The following PIGL variants were observed in gnomAD, a reference collection of about 807,000 sequenced individuals.
The protein encoded by PIGL is phosphatidylinositol glycan anchor biosynthesis class L.
In PIGL, 22 loss-of-function variants were observed where a neutral mutation model predicts 31.1. The observed-to-expected ratio is 0.71, with a 90% CI of 0.51 to 1.01. The LOEUF is 1.01. Among genes scored for constraint, PIGL ranks in the 50% least tolerant of loss-of-function variants. The probability of loss-of-function intolerance (pLI) is 0.00; values close to 1 mark genes in which losing one functional copy is unlikely to be tolerated. For synonymous variants in PIGL, 131 were observed against 117.4 expected (o/e 1.12, Z -0.75); for missense variants, 302 against 315.9 (o/e 0.96, Z 0.33).
intron 2 of PIGL, among the ~76,000 whole-genome samples, chr17:16,290,038 A>G (rs559161579): frequency 1.3e-5 from 2 of 151,760 alleles, no homozygotes; most frequent in African/African-American, 4.8e-5. Flanking sequence ...GGCCTCCCAA[A>G]GTGCTGGGAT....
At chr17:16,250,385 A>T (rs577580978) in intron 2 of PIGL, among the ~76,000 whole-genome samples, 1 of 152,186 alleles carries the variant, frequency 6.6e-6, no homozygotes, top group Non-Finnish European at 1.5e-5. Context: ...TCCACTGGGG[A>T]TCTTGGAACA....
At chr17:16,267,536 C>T (rs2092849912) in intron 2 of PIGL, among the ~76,000 whole-genome samples, 1 of 151,886 alleles carries the variant, frequency 6.6e-6, no homozygotes, top group East Asian at 1.9e-4. Context: ...GCCATTAGGT[C>T]TCAGAAATTA....
intron 2 of PIGL, among the ~76,000 whole-genome samples, chr17:16,258,081 G>GAGAGAGAGAGAGAGAA (rs2092802508): frequency 7.7e-6 from 1 of 129,172 alleles, no homozygotes; most frequent in African/African-American, 3.0e-5. Flanking sequence ...GAGAGAGAGA[G>GAGAGAGAGAGAGAGAA]AGAGAGAGAG....
intron 6 of PIGL, 99 bp downstream of exon 6, chr17:16,318,007 T>C: frequency 1.0e-6 from 1 of 982,528 alleles, no homozygotes; most frequent in Non-Finnish European, 1.6e-6. Flanking sequence ...ACTGAAGGTT[T>C]TTCACAGTGG....
intron 5 of PIGL, 144 bp downstream of exon 5, chr17:16,316,856 A>T: frequency 6.9e-7 from 1 of 1,445,090 alleles, no homozygotes; most frequent in South Asian, 1.4e-5. Flanking sequence ...TTCCTGACTC[A>T]CCTCAAGGTA....
intron 2 of PIGL, among the ~76,000 whole-genome samples, chr17:16,254,469 T>C (rs1294049510): frequency 1.3e-5 from 2 of 152,048 alleles, no homozygotes; most frequent in East Asian, 3.9e-4. Context: ...GGTTTCTCCA[T>C]GTTGTTAAGG....
At chr17:16,324,861 C>T (rs930690017) in intron 6 of PIGL, among the ~76,000 whole-genome samples, 8 of 152,064 alleles carry the variant, frequency 5.3e-5, no homozygotes, top group African/African-American at 1.4e-4. Context: ...AGATAATGTA[C>T]ATTTCCCCTA....
intron 2 of PIGL, among the ~76,000 whole-genome samples, chr17:16,292,889 G>A (rs559408036): frequency 5.2e-4 from 79 of 152,234 alleles, no homozygotes; most frequent in African/African-American, 1.8e-3. Flanking sequence ...ATCAGCAAGA[G>A]GGACTAGACA....
chr17:16,305,226 T>A (rs1165568130), intron 3 of PIGL, among the ~76,000 whole-genome samples: 2 of 151,968 alleles, frequency 1.3e-5, no homozygotes, highest in East Asian at 3.9e-4. Flanking sequence ...GAGGCTGCAG[T>A]GAGCATGATC....
chr17:16,234,234 C>T (rs2092690703), intron 2 of PIGL, 164 bp downstream of exon 2: 4 of 491,392 alleles, frequency 8.1e-6, no homozygotes, highest in Non-Finnish European at 1.5e-5. Context: ...CTTTGGGAGG[C>T]CGAGGTGGGC....
At chr17:16,303,541 C>CTT (rs561800983) in intron 3 of PIGL, among the ~76,000 whole-genome samples, 1 of 146,096 alleles carries the variant, frequency 6.8e-6, no homozygotes, top group Admixed American at 6.9e-5. Context: ...TAAATTTCTC[C>CTT]TTTTTTTTTT....
chr17:16,317,672 T>TCCTGC, intron 5 of PIGL, 103 bp from the exon 6 acceptor site: 1 of 1,569,016 alleles, frequency 6.4e-7, no homozygotes, highest in South Asian at 1.2e-5. Flanking sequence ...GTGGCCACTG[T>TCCTGC]CCTGCCCTGC....
In PIGL at chr17:16,283,825, T is replaced by C. The variant is rs550091631; in HGVS notation, c.336-16063T>C. ...TGAGTAAGAACCCACTTAACTTCAA[T>C]CAGAATCCATCGATCAAGCTTAAAG... On this transcript the variant is annotated intron_variant, in intron 2 of 6. Coordinates refer to ENST00000225609, the MANE Select transcript of PIGL (RefSeq NM_004278.4). Among the ~76,000 whole-genome samples, 9 of 152,322 alleles carry C rather than the reference T, an allele frequency of 5.9e-5. No individual in the cohort carries two copies. In the East Asian group the frequency reaches 1.7e-3, roughly 29 times the overall value.
At chr17:16,251,518 G>C (rs187718571) in intron 2 of PIGL, among the ~76,000 whole-genome samples, 1 of 151,598 alleles carries the variant, frequency 6.6e-6, no homozygotes, top group East Asian at 1.9e-4. Flanking sequence ...GAACTTCACT[G>C]CAAAACATTT....
intron 2 of PIGL, among the ~76,000 whole-genome samples, chr17:16,270,890 CA>C (rs11350245): frequency 0.53 from 75,670 of 142,908 alleles, 19,384 homozygotes; most frequent in African/African-American, 0.58. Flanking sequence ...GAGACTGTCT[CA>C]AAAAAAAAAA....
chr17:16,229,332 ACATACATATATATATGTATGTATATATAC>A (rs1376360320), intron 1 of PIGL, among the ~76,000 whole-genome samples: 3 of 150,624 alleles, frequency 2.0e-5, no homozygotes, highest in Non-Finnish European at 4.4e-5. Flanking sequence ...GTGTATATAT[ACATACATATATATATGTATGTATATATAC>A]CACATTTTGT....
intron 2 of PIGL, among the ~76,000 whole-genome samples, chr17:16,258,069 AAGAG>A (rs749459552): frequency 0.43 from 38,815 of 89,668 alleles, 9,366 homozygotes; most frequent in Non-Finnish European, 0.5. Flanking sequence ...GTCAGAAAGA[AAGAG>A]AGAGAGAGAG....
intron 2 of PIGL, among the ~76,000 whole-genome samples, chr17:16,280,225 A>C (rs1200593496): frequency 2.6e-5 from 4 of 152,200 alleles, no homozygotes; most frequent in Non-Finnish European, 5.9e-5. Flanking sequence ...GGTCCCACCA[A>C]ATGGTGCCTG....
intron 1 of PIGL, among the ~76,000 whole-genome samples, chr17:16,229,481 CTTTTTTTTTTT>C (rs71353784): frequency 8.8e-6 from 1 of 114,218 alleles, no homozygotes; most frequent in South Asian, 2.8e-4. Context: ...ACCGGTTTTC[CTTTTTTTTTTT>C]TTTTTTTTTG....
Sources: gnomAD v4.1 joint callset for allele counts (sites outside exome capture counted in the v4.1 genomes callset) on GRCh38, gnomAD v4.1.1 for gene constraint, MANE v1.5 for transcripts, NCBI Gene and HGNC (gene_info 2026-07-23, HGNC 2026-07-21) for gene names.